The following GSE1 variants were observed in gnomAD, a reference collection of about 807,000 sequenced individuals.
GSE1 encodes Gse1 coiled-coil protein.
In GSE1, 32 loss-of-function variants were observed where a neutral mutation model predicts 112.6. The ratio of observed to expected loss-of-function variants is 0.28; its 90% confidence interval spans 0.21 to 0.38. The LOEUF is 0.38. Among genes scored for constraint, GSE1 ranks in the 10% least tolerant of loss-of-function variants. The pLI, the probability that GSE1 is intolerant of heterozygous loss-of-function variation, is 1.00. For missense variants in GSE1, 2,348 were observed against 1,699.2 expected (o/e 1.38, Z -6.71); for synonymous variants, 1,115 against 735.6 (o/e 1.52, Z -8.35).
intron 1 of GSE1, among the ~76,000 whole-genome samples, chr16:85,290,084 G>T (rs901624777): frequency 6.6e-6 from 1 of 152,202 alleles, no homozygotes; most frequent in African/African-American, 2.4e-5. Flanking sequence ...TCCCCTCCCA[G>T]AGTCGCCGCT....
chr16:85,346,011 G>T (rs2046726500), intron 1 of GSE1, among the ~76,000 whole-genome samples: 1 of 152,074 alleles, frequency 6.6e-6, no homozygotes, highest in African/African-American at 2.4e-5. Context: ...CATGGACAGA[G>T]GGACAGGCAG....
chr16:85,208,546 C>T (rs2075161158), intron 1 of GSE1, among the ~76,000 whole-genome samples: 1 of 152,230 alleles, frequency 6.6e-6, no homozygotes, highest in Admixed American at 6.5e-5. Context: ...TCACATGATT[C>T]CAAAGGAAAC....
At chr16:85,314,820 G>A (rs1022821597) in intron 1 of GSE1, among the ~76,000 whole-genome samples, 49 of 152,312 alleles carry the variant, frequency 3.2e-4, no homozygotes, top group African/African-American at 1.2e-3. Flanking sequence ...TGTGTCTCAT[G>A]TATCTTCCAA....
intron 1 of GSE1, among the ~76,000 whole-genome samples, chr16:85,589,434 G>A (rs890459112): frequency 6.6e-6 from 1 of 152,210 alleles, no homozygotes; most frequent in East Asian, 1.9e-4. Flanking sequence ...CGGCGCGGGT[G>A]GAGCCTGGGC....
intron 1 of GSE1, among the ~76,000 whole-genome samples, chr16:85,236,067 G>T (rs1032590474): frequency 1.3e-5 from 2 of 151,910 alleles, no homozygotes; most frequent in African/African-American, 4.8e-5. Context: ...CGCCCCTCCC[G>T]GATTTCCCGG....
At chr16:85,232,057 G>C (rs1375026526) in intron 1 of GSE1, among the ~76,000 whole-genome samples, 3 of 152,240 alleles carry the variant, frequency 2.0e-5, no homozygotes, top group Non-Finnish European at 4.4e-5. Flanking sequence ...CCCCCACAGT[G>C]AGAGGCGGTG....
At chr16:85,225,315 G>A (rs1337577497) in intron 1 of GSE1, among the ~76,000 whole-genome samples, 1 of 152,204 alleles carries the variant, frequency 6.6e-6, no homozygotes, top group Non-Finnish European at 1.5e-5. Flanking sequence ...GGGTGGAGCT[G>A]GGGCTGGCCA....
chr16:85,420,117 T>C (rs2048799841), intron 2 of GSE1, among the ~76,000 whole-genome samples: 2 of 151,696 alleles, frequency 1.3e-5, no homozygotes, highest in Non-Finnish European at 2.9e-5. Flanking sequence ...AGACGGGTGG[T>C]GGCTCATGCC....
chr16:85,601,880 C>T (rs978431192), intron 1 of GSE1, among the ~76,000 whole-genome samples: 2 of 152,138 alleles, frequency 1.3e-5, no homozygotes, highest in African/African-American at 2.4e-5. Flanking sequence ...CATCGCTTGT[C>T]GAGCCCGCGA....
rs895877574 is a variant in GSE1, at chr16:85,309,908, G to A, written c.2284-47555G>A. On this transcript the variant is annotated intron_variant, in intron 1 of 2. Coordinates refer to the GSE1 transcript ENST00000637419. ...GGGCGCCCCCTTGCCACCCCCTCACGCCCCAGCTCAGGAACAGACATCCCT... is the reference window on the plus strand; with the variant it reads ...GGGCGCCCCCTTGCCACCCCCTCACACCCCAGCTCAGGAACAGACATCCCT... Among the ~76,000 whole-genome samples the A allele has an allele frequency of 2.0e-5, 3 of 152,062 alleles. No homozygotes were observed. The South Asian group carries it at 6.2e-4, about 32-fold the overall frequency.
chr16:85,553,677 TC>T (rs2045051362), upstream of GSE1, among the ~76,000 whole-genome samples: 1 of 151,964 alleles, frequency 6.6e-6, no homozygotes, highest in Non-Finnish European at 1.5e-5. Flanking sequence ...GCGCCACCCC[TC>T]CCTTGGCTCC....
At position 85,268,561 on chromosome 16, in the gene GSE1, G is replaced by A. The variant is rs910026213; in HGVS notation, c.2284-88902G>A. 2.4e-4 allele frequency among the ~76,000 whole-genome samples: 37 copies of A among 152,236 alleles called. 2 individuals are homozygous for A. The highest frequency in any genetic ancestry group is 1.9e-4 in the East Asian group (1 of 5,162). ...TAGACCAAAAGGCACCTTCATCCTC[G>A]TTCAGGTGTCTGATTAAACCCTGTC... is the stretch of plus-strand genomic sequence containing the variant. On this transcript the variant is annotated intron_variant, in intron 1 of 2. Transcript: ENST00000637419.
chr16:85,201,128 A>G (rs756323633), intron 1 of GSE1, among the ~76,000 whole-genome samples: 6 of 152,182 alleles, frequency 3.9e-5, no homozygotes, highest in African/African-American at 1.4e-4. Context: ...GCTGGAGTGC[A>G]GTGGTGCAAT....
intron 1 of GSE1, among the ~76,000 whole-genome samples, chr16:85,186,091 C>T (rs1160233854): frequency 6.6e-6 from 1 of 152,160 alleles, no homozygotes; most frequent in Non-Finnish European, 1.5e-5. Flanking sequence ...TCTATGTCCC[C>T]CTAGGCTTGA....
At chr16:85,323,947 A>G (rs1337459789) in intron 1 of GSE1, among the ~76,000 whole-genome samples, 1 of 152,162 alleles carries the variant, frequency 6.6e-6, no homozygotes, top group African/African-American at 2.4e-5. Flanking sequence ...GCCCAGGAGC[A>G]TTTTCTGTGA....
At chr16:85,514,047 G>A (rs1161064388) in intron 2 of GSE1, among the ~76,000 whole-genome samples, 1 of 152,126 alleles carries the variant, frequency 6.6e-6, no homozygotes, top group Non-Finnish European at 1.5e-5. Context: ...GGCTCCCCGG[G>A]TGATTCCAGG....
chr16:85,332,360 A>G (rs1030563137), intron 1 of GSE1, among the ~76,000 whole-genome samples: 2 of 152,156 alleles, frequency 1.3e-5, no homozygotes, highest in Admixed American at 6.5e-5. Context: ...GTACATACCG[A>G]GCATGCACTG....
At chr16:85,394,110 G>A (rs2047912021) in intron 2 of GSE1, among the ~76,000 whole-genome samples, 1 of 152,024 alleles carries the variant, frequency 6.6e-6, no homozygotes, top group South Asian at 2.1e-4. Context: ...CTGGGAGAAT[G>A]AACATTCGGG....
chr16:85,258,906 C>T (rs1480682873), intron 1 of GSE1, among the ~76,000 whole-genome samples: 3 of 152,222 alleles, frequency 2.0e-5, no homozygotes, highest in Admixed American at 6.5e-5. Context: ...GCTGCCCTGC[C>T]GCGTGGTTGC....
Sources: allele counts gnomAD v4.1 joint callset (sites outside exome capture counted in the v4.1 genomes callset), GRCh38; gene constraint gnomAD v4.1.1; transcripts MANE v1.5; gene names NCBI Gene and HGNC (gene_info 2026-07-23, HGNC 2026-07-21).